Variants in DPP10 observed in about 807,000 individuals in gnomAD.
The protein encoded by DPP10 is dipeptidyl peptidase like 10, also known as inactive dipeptidyl peptidase 10.
In DPP10, 33 loss-of-function variants were observed where a neutral mutation model predicts 120.9. The ratio of observed to expected loss-of-function variants is 0.27; its 90% CI spans 0.21 to 0.37. DPP10 has a LOEUF of 0.37. Ranked by LOEUF, DPP10 falls within the 10% of genes least tolerant of loss-of-function variation. The pLI is 1.00. For synonymous variants in DPP10, 337 were observed against 326.1 expected, an observed-to-expected ratio of 1.03 and a Z score of -0.36; for missense variants, 816 against 942.8, an observed-to-expected ratio of 0.87 and a Z score of 1.76.
At chr2:115,636,976 A>G (rs922223183) in intron 5 of DPP10, among the ~76,000 whole-genome samples, 1 of 152,162 alleles carries the variant, frequency 6.6e-6, no homozygotes, top group Non-Finnish European at 1.5e-5. Flanking sequence ...CCTAAATACA[A>G]TGGAATGTAA....
intron 5 of DPP10, among the ~76,000 whole-genome samples, chr2:115,598,508 A>G (rs1042281238): frequency 6.6e-6 from 1 of 151,964 alleles, no homozygotes; most frequent in Admixed American, 6.6e-5. Flanking sequence ...ATAATGAACA[A>G]TATATAACAG....
chr2:114,631,153 T>C (rs1694891541), intron 1 of DPP10, among the ~76,000 whole-genome samples: 1 of 152,086 alleles, frequency 6.6e-6, no homozygotes, highest in African/African-American at 2.4e-5. Context: ...GGAGTTGTTT[T>C]AAAGGGGGTG....
intron 1 of DPP10, among the ~76,000 whole-genome samples, chr2:114,888,766 G>A (rs1432701411): frequency 1.3e-5 from 2 of 152,178 alleles, no homozygotes; most frequent in Non-Finnish European, 2.9e-5. Context: ...GGATCCCCAT[G>A]TTTCTCTTTT....
chr2:114,831,022 ATTTTTTTTTTTTTTTTTTTTTTTT>A (rs70941010), intron 1 of DPP10, among the ~76,000 whole-genome samples: 1 of 45,924 alleles, frequency 2.2e-5, no homozygotes, highest in Non-Finnish European at 3.8e-5. Context: ...CCATGCAAAG[ATTTTTTTTTTTTTTTTTTTTTTTT>A]TTTTTTTTTT....
chr2:114,623,058 C>T (rs1481275109), intron 1 of DPP10, among the ~76,000 whole-genome samples: 1 of 151,934 alleles, frequency 6.6e-6, no homozygotes, highest in African/African-American at 2.4e-5. Context: ...AAATGTAAGG[C>T]TAAAGTGAAG....
chr2:114,603,258 A>G (rs1420076366), intron 1 of DPP10, among the ~76,000 whole-genome samples: 1 of 152,124 alleles, frequency 6.6e-6, no homozygotes, highest in Non-Finnish European at 1.5e-5. Flanking sequence ...AAATAGGTTC[A>G]ATTTTCATAC....
rs185239838 is a variant in DPP10, at chr2:114,639,130, G to T, written c.60+196292G>T. ...TACATAAGACTGGGTAATTTATAAA[G>T]GAAAGAGGTTTAATTGACTCACAGT... is the stretch of plus-strand genomic sequence containing the variant. On this transcript the variant is annotated intron_variant, in intron 1 of 25. Transcript: ENST00000410059. Among the ~76,000 whole-genome samples, 1,155 of 151,964 alleles carry T rather than the reference G, an allele frequency of 7.6e-3. 47 individuals carry two copies. Among genetic ancestry groups the T allele is most frequent in the African/African-American group, 0.026 (1,088 of 41,240 alleles).
intron 2 of DPP10, among the ~76,000 whole-genome samples, chr2:115,314,037 C>T (rs2061686388): frequency 6.6e-6 from 1 of 152,156 alleles, no homozygotes; most frequent in Non-Finnish European, 1.5e-5. Context: ...TAAAGGTATG[C>T]ATCTACTTTG....
At chr2:114,472,587 G>A (rs570348554) in intron 1 of DPP10, among the ~76,000 whole-genome samples, 4 of 152,228 alleles carry the variant, frequency 2.6e-5, no homozygotes, top group Admixed American at 6.5e-5. Flanking sequence ...TGCAGGCTGC[G>A]TCTCAGCCTA....
chr2:114,877,514 A>T (rs2106584914), intron 1 of DPP10, among the ~76,000 whole-genome samples: 1 of 152,170 alleles, frequency 6.6e-6, no homozygotes, highest in South Asian at 2.1e-4. Context: ...ACTCACTGTG[A>T]GCCTTGTAGA....
At chr2:115,109,554 A>C (rs190821331) in intron 1 of DPP10, among the ~76,000 whole-genome samples, 1 of 152,306 alleles carries the variant, frequency 6.6e-6, no homozygotes, top group East Asian at 1.9e-4. Flanking sequence ...AGAAAAAAAA[A>C]TTCAACGTTG....
chr2:114,521,859 G>A (rs1170783098), intron 1 of DPP10, among the ~76,000 whole-genome samples: 1 of 146,962 alleles, frequency 6.8e-6, no homozygotes, highest in African/African-American at 2.5e-5. Flanking sequence ...CCAGGCTGGA[G>A]TGCAGTGGCG....
intron 19 of DPP10, among the ~76,000 whole-genome samples, chr2:115,800,741 G>C (rs1685122401): frequency 6.6e-6 from 1 of 152,148 alleles, no homozygotes; most frequent in African/African-American, 2.4e-5. Context: ...AGATCAGATA[G>C]TTGTAGATAT....
chr2:114,871,150 C>T (rs548928501), intron 1 of DPP10, among the ~76,000 whole-genome samples: 3 of 124,388 alleles, frequency 2.4e-5, no homozygotes, highest in East Asian at 3.8e-4. Context: ...ATTTGAACTA[C>T]GTCAAATAAT....
chr2:115,731,367 A>AC (rs1187047863), intron 8 of DPP10, among the ~76,000 whole-genome samples: 50 of 149,012 alleles, frequency 3.4e-4, no homozygotes, highest in South Asian at 1.1e-3. Context: ...AAAAAAAAAA[A>AC]ATTTAACTGG....
In DPP10 at chr2:115,808,107, G is replaced by T. The variant is rs142636165; in HGVS notation, c.1701-6686G>T. On this transcript the variant is annotated intron_variant, in intron 19 of 25. Transcript: ENST00000410059. ...ATATGGATAATAAAATTGCAAAAGTGCCAGACACGTGTTCGAGAGATACAC... is the reference window on the plus strand; with the variant it reads ...ATATGGATAATAAAATTGCAAAAGTTCCAGACACGTGTTCGAGAGATACAC... Among the ~76,000 whole-genome samples, 575 of 152,288 alleles carry T rather than the reference G, an allele frequency of 3.8e-3. 4 individuals carry two copies. Among genetic ancestry groups the T allele is most frequent in the Admixed American group, 3.5e-3 (53 of 15,298 alleles).
chr2:114,879,704 A>C (rs985933298), intron 1 of DPP10, among the ~76,000 whole-genome samples: 1 of 152,054 alleles, frequency 6.6e-6, no homozygotes, highest in African/African-American at 2.4e-5. Flanking sequence ...TTGAAAGAAA[A>C]AAAACAGAAA....
chr2:114,611,786 C>T (rs779586673), intron 1 of DPP10, among the ~76,000 whole-genome samples: 1 of 152,130 alleles, frequency 6.6e-6, no homozygotes, highest in Non-Finnish European at 1.5e-5. Flanking sequence ...TATGTGTTGT[C>T]ACTGTTCATG....
intron 1 of DPP10, among the ~76,000 whole-genome samples, chr2:114,628,764 G>A (rs1052937009): frequency 1.5e-4 from 23 of 152,236 alleles, no homozygotes; most frequent in African/African-American, 4.3e-4. Context: ...AGAAATGGGC[G>A]AACGAACGGC....
Sources: gnomAD v4.1 joint callset for allele counts (sites outside exome capture counted in the v4.1 genomes callset) on GRCh38, gnomAD v4.1.1 for gene constraint, MANE v1.5 for transcripts, NCBI Gene and HGNC (gene_info 2026-07-23, HGNC 2026-07-21) for gene names.